Variants in SLC25A25 observed in about 807,000 individuals in gnomAD.
The protein encoded by SLC25A25 is mitochondrial adenyl nucleotide antiporter SLC25A25.
In SLC25A25, 32 loss-of-function variants were observed where a neutral mutation model predicts 57.7. The observed-to-expected ratio is 0.55, with a 90% CI of 0.42 to 0.74. The LOEUF (loss-of-function observed/expected upper bound fraction) is 0.74, where lower values mean the gene tolerates loss of function less well. Among genes scored for constraint, SLC25A25 ranks in the 30% least tolerant of loss-of-function variants. The probability of loss-of-function intolerance (pLI) is 0.00; values close to 1 mark genes in which losing one functional copy is unlikely to be tolerated. For missense variants in SLC25A25, 556 were observed against 701.3 expected, an observed-to-expected ratio of 0.79 and a Z score of 2.34; for synonymous variants, 306 against 291.2, an observed-to-expected ratio of 1.05 and a Z score of -0.52.
chr9:128,070,671 G>T (rs1157638626), intron 1 of SLC25A25, among the ~76,000 whole-genome samples: 5 of 151,850 alleles, frequency 3.3e-5, no homozygotes, highest in Non-Finnish European at 7.4e-5. Flanking sequence ...AGAATGGCTG[G>T]CCGGGCACAG....
In SLC25A25 at chr9:128,080,974, A is replaced by T. The variant is rs139149235; in HGVS notation, c.261+12394A>T. On this transcript the variant is annotated intron_variant, in intron 1 of 10. Transcript: ENST00000373069. ...CCCTTAGTGATGCATTTATGGACAC[A>T]GTTAACTTTTTTCCTTTTTTCATTC... Among the ~76,000 whole-genome samples, 14 of 152,318 alleles carry T rather than the reference A, an allele frequency of 9.2e-5. No individual in the cohort carries two copies. The East Asian group carries it at 2.7e-3, about 29-fold the overall frequency.
chr9:128,107,260 C>G lies in SLC25A25; in HGVS notation c.1364C>G (p.Ala455Gly). The change falls in exon 11 of 11, where the codon GCC (alanine) becomes GGC (glycine). Residue 455 changes from alanine to glycine, a missense_variant and splice_region_variant. By Grantham distance (60) the Ala-to-Gly change is moderately conservative. Coordinates refer to ENST00000373069, the MANE Select transcript of SLC25A25 (RefSeq NM_001330988.2). Reference protein sequence around the residue: ...ALVRTRMQAQASIEGAPEVTM... With the variant: ...ALVRTRMQAQGSIEGAPEVTM... ...CTGACTGGTGGCCTCCATCCTGCAG[C>G]CTCTATTGAGGGCGCTCCGGAGGTG... The G allele has an allele frequency of 6.2e-7, 1 of 1,606,580 alleles. No individual in the cohort carries two copies.
chr9:128,097,260 G>A (rs1398030514), intron 1 of SLC25A25, among the ~76,000 whole-genome samples: 3 of 152,234 alleles, frequency 2.0e-5, no homozygotes, highest in Non-Finnish European at 2.9e-5. Flanking sequence ...AATCTGTGGG[G>A]AAGGAATGAG....
intron 1 of SLC25A25, among the ~76,000 whole-genome samples, chr9:128,084,396 G>A (rs941571338): frequency 1.3e-5 from 2 of 151,600 alleles, no homozygotes; most frequent in Non-Finnish European, 2.9e-5. Context: ...GAGTAGCTGG[G>A]TTTCCAGGCG....
At position 128,106,180 on chromosome 9, in the gene SLC25A25, ACT is replaced by A; in HGVS notation, c.970_971del (p.Leu324GlufsTer134). The A allele has an allele frequency of 2.5e-6, 4 of 1,614,098 alleles. No individual in the cohort carries two copies. Among genetic ancestry groups the A allele is most frequent in the Non-Finnish European group, 3.4e-6 (4 of 1,180,008 alleles). On this transcript the variant is annotated frameshift_variant, in exon 8 of 11. Coordinates refer to ENST00000373069, the MANE Select transcript of SLC25A25 (RefSeq NM_001330988.2). LOFTEE classifies it high-confidence loss of function. ...GCGCCTTGTTGGTAGTGACCAGGAG[ACT>A]CTGAGGATTCACGAGAGGCTTGTGG... ...IKRLVGSDQE[T>X]LRIHERLVAG...
At position 128,101,166 on chromosome 9, in the gene SLC25A25, A is replaced by G; in HGVS notation, c.332A>G (p.Gln111Arg). 6.2e-7 allele frequency: 1 copy of G among 1,614,280 alleles called. No individual in the cohort carries two copies. The highest frequency in any genetic ancestry group is 8.5e-7 in the Non-Finnish European group (1 of 1,180,048). ...LDFEEFVHYL[Q>R]DHEKKLRLVF... ...TTTGAAGAATTTGTCCATTATCTCCAAGATCATGAGAAGAAGCTGAGGCTG... is the reference window on the plus strand; with the variant it reads ...TTTGAAGAATTTGTCCATTATCTCCGAGATCATGAGAAGAAGCTGAGGCTG... The change falls in exon 2 of 11, where the codon CAA becomes CGA. Residue 111 changes from glutamine (Q) to arginine (R), a missense_variant. Gln to Arg is a conservative substitution (Grantham distance 43). Around this residue, in one of 3 missense-constraint regions of SLC25A25, gnomAD observed 248 missense variants for 273.5 expected, o/e 0.91. Transcript: ENST00000373069. The surrounding 1 kb of genome is among the most constrained non-coding windows in gnomAD (Gnocchi z 4.9).
chr9:128,103,987 CAG>C lies in SLC25A25; in HGVS notation c.783+149_783+150del, dbSNP rs558898712. 7 of 795,658 alleles carry C rather than the reference CAG, an allele frequency of 8.8e-6. No homozygotes were observed. Among genetic ancestry groups the C allele is most frequent in the Non-Finnish European group, 1.1e-5 (6 of 528,696 alleles). 49.3% of individuals were successfully genotyped at this position (795,658 alleles called of 1,614,324 possible). On this transcript the variant is annotated intron_variant, in intron 6 of 10. Coordinates refer to ENST00000373069, the MANE Select transcript of SLC25A25 (RefSeq NM_001330988.2). The surrounding 1 kb of genome is among the most constrained non-coding windows in gnomAD (Gnocchi z 6.7). ...AATTAGACTAGAATTATTGCTCAGA[CAG>C]GGGGTACCAAAATGTCACTGTAGGT...
At chr9:128,093,845 A>G (rs1833483091) in intron 1 of SLC25A25, among the ~76,000 whole-genome samples, 1 of 152,202 alleles carries the variant, frequency 6.6e-6, no homozygotes, top group African/African-American at 2.4e-5. Context: ...TGTTCTGGAA[A>G]CATTTTTGAA....
rs1834095848 is a variant in SLC25A25 at position 128,107,414 on chromosome 9, G to A, written c.1518G>A (p.Leu506=). 1.3e-6 allele frequency: 2 copies of A among 1,508,454 alleles called. No homozygotes were observed. The highest frequency in any genetic ancestry group is 2.8e-5 in the African/African-American group (2 of 71,544). The allele number at this position is 1,508,454 out of a possible 1,614,324, so 93.4% of individuals were successfully genotyped here. ...VSISYVVYEN[L]KITLGVQSR ...TCAGCTACGTGGTCTACGAGAACCT[G>A]AAGATCACCCTGGGCGTGCAGTCGC... The change falls in exon 11 of 11, where the codon CTG becomes CTA. Residue 506 remains leucine, a synonymous_variant. Transcript: ENST00000373069.
At position 128,099,787 on chromosome 9, in the gene SLC25A25, G is replaced by C. The variant is rs1833711455; in HGVS notation, c.262-1309G>C. ...AAGGCGCTGTCAGTAGTGTGTCTAA[G>C]AGAGAGGCGCGGTGGTGATCCTTTG... On this transcript the variant is annotated intron_variant, in intron 1 of 10. Transcript: ENST00000373069. The surrounding 1 kb of genome is among the most constrained non-coding windows in gnomAD (Gnocchi z 6.8). 1.3e-5 allele frequency among the ~76,000 whole-genome samples: 2 copies of C among 152,224 alleles called. No homozygotes were observed. Among genetic ancestry groups the C allele is most frequent in the African/African-American group, 4.8e-5 (2 of 41,442 alleles).
Position 128,101,153 on chromosome 9 carries a change from G to A in SLC25A25, c.319G>A (p.Val107Ile), listed in dbSNP as rs760114660. The change falls in exon 2 of 11, where the codon GTC becomes ATC. Residue 107 changes from valine to isoleucine, a missense_variant. Val to Ile is a conservative substitution (Grantham distance 29, BLOSUM62 3). Coordinates refer to ENST00000373069, the MANE Select transcript of SLC25A25 (RefSeq NM_001330988.2). This position sits in a 1 kb window ranked among gnomAD's most constrained non-coding sequence, Gnocchi z 4.9. ...LDGQLDFEEF[V>I]HYLQDHEKKL... ...TGGGCAGCTAGACTTTGAAGAATTT[G>A]TCCATTATCTCCAAGATCATGAGAA... is the stretch of plus-strand genomic sequence containing the variant. 2.5e-6 allele frequency: 4 copies of A among 1,614,132 alleles called. No homozygotes were observed. In the East Asian group the frequency reaches 8.9e-5, roughly 36 times the overall value.
At chr9:128,079,524 C>T (rs1265815447) in intron 1 of SLC25A25, among the ~76,000 whole-genome samples, 1 of 146,112 alleles carries the variant, frequency 6.8e-6, no homozygotes, top group Admixed American at 7.1e-5. Context: ...TTTGTGAGGC[C>T]AAGGCAGGTG....
intron 6 of SLC25A25, 104 bp from the exon 7 acceptor site, chr9:128,105,625 G>A (rs1332687331): frequency 6.5e-7 from 1 of 1,550,088 alleles, no homozygotes; most frequent in African/African-American, 1.4e-5. Context: ...CGGAAGAAAG[G>A]GCCTTCCCTT....
rs773391642 is a variant in SLC25A25, at chr9:128,105,875, T to C, written c.930T>C (p.Tyr310=). Residue 310 remains tyrosine (Y), a synonymous_variant, in exon 7 of 11, where the codon TAT becomes TAC. Coordinates refer to ENST00000373069, the MANE Select transcript of SLC25A25 (RefSeq NM_001330988.2). ...APESAIKFMA[Y]EQIKRLVGSD... Reference sequence around the variant, plus strand: ...AATCAGCCATCAAATTCATGGCCTATGAGCAGGTGAGGACCCAGCTCCTCA... The same window carrying C: ...AATCAGCCATCAAATTCATGGCCTACGAGCAGGTGAGGACCCAGCTCCTCA... 4 of 1,614,028 alleles carry C rather than the reference T, an allele frequency of 2.5e-6. No individual in the cohort carries two copies. Among genetic ancestry groups the C allele is most frequent in the Non-Finnish European group, 3.4e-6 (4 of 1,179,966 alleles).
chr9:128,091,612 T>C (rs1833408762), intron 1 of SLC25A25: 7 of 1,156,318 alleles, frequency 6.1e-6, no homozygotes, highest in South Asian at 4.3e-5. Flanking sequence ...TGAGTTTTTA[T>C]TGAAGAAGCT....
chr9:128,084,600 ATG>A (rs36123436), intron 1 of SLC25A25, among the ~76,000 whole-genome samples: 112,822 of 151,904 alleles, frequency 0.74, 43,712 homozygotes, highest in Non-Finnish European at 0.85. Flanking sequence ...GGCTGAACCA[ATG>A]TGTACACCTT....
chr9:128,075,942 A>G (rs1029274911), intron 1 of SLC25A25, among the ~76,000 whole-genome samples: 1 of 152,100 alleles, frequency 6.6e-6, no homozygotes, highest in Non-Finnish European at 1.5e-5. Context: ...TCATTTCTTC[A>G]TTTCTATTCC....
intron 1 of SLC25A25, among the ~76,000 whole-genome samples, chr9:128,088,281 C>T (rs1390534210): frequency 3.6e-4 from 55 of 152,314 alleles, no homozygotes; most frequent in East Asian, 1.9e-4. Context: ...AGGTTTTCCA[C>T]TCTGGCTGAC....
Position 128,107,643 on chromosome 9 carries a change from G to C in SLC25A25, c.*199G>C. 1.9e-6 allele frequency: 1 copy of C among 526,850 alleles called. No individual in the cohort carries two copies. The highest frequency in any genetic ancestry group is 5.3e-5 in the South Asian group (1 of 19,002). The allele number at this position is 526,850 out of a possible 1,614,324, so 32.6% of individuals were successfully genotyped here. A position where few individuals can be genotyped will look rare whatever the true frequency, so the allele number is the denominator to read the frequency against. ...GCTGACCCCAGCAGACCCTCCTGTT[G>C]GTTCCAGCGAAGACCACAGGCATTC... is the stretch of plus-strand genomic sequence containing the variant. On this transcript the variant is annotated 3_prime_UTR_variant, in exon 11 of 11. Transcript: ENST00000373069.
Sources: gnomAD v4.1 joint callset for allele counts (sites outside exome capture counted in the v4.1 genomes callset) on GRCh38, gnomAD v4.1.1 for gene constraint, gnomAD v4.1.1 regional missense constraint, Gnocchi (gnomAD v3.1) non-coding constraint, MANE v1.5 for transcripts, NCBI Gene and HGNC (gene_info 2026-07-23, HGNC 2026-07-21) for gene names.